The following PPFIA2 variants were observed in gnomAD, a reference collection of about 807,000 sequenced individuals.
PPFIA2 encodes the protein PPFI scaffold protein A2, also known as liprin-alpha-2.
Under a neutral mutation model 175.5 loss-of-function variants are expected in PPFIA2, and 46 were observed. The ratio of observed to expected loss-of-function variants is 0.26; its 90% confidence interval spans 0.21 to 0.34. The LOEUF is 0.34. Among genes scored for constraint, PPFIA2 ranks in the 10% least tolerant of loss-of-function variants. The pLI is 1.00. For synonymous variants in PPFIA2, 568 were observed against 511.4 expected (o/e 1.11, Z -1.49); for missense variants, 1,179 against 1,506.1 (o/e 0.78, Z 3.60).
intron 28 of PPFIA2, among the ~76,000 whole-genome samples, chr12:81,270,304 C>T (rs1184367685): frequency 7.2e-5 from 11 of 151,970 alleles, no homozygotes; most frequent in Admixed American, 7.2e-4. Flanking sequence ...CTTGTTTTGT[C>T]TTGCTTTTTT....
At chr12:81,713,622 C>T (rs1596691450) in intron 3 of PPFIA2, among the ~76,000 whole-genome samples, 2 of 151,156 alleles carry the variant, frequency 1.3e-5, no homozygotes, top group South Asian at 4.1e-4. Context: ...TACAGCAACC[C>T]CAATTCAATC....
intron 4 of PPFIA2, among the ~76,000 whole-genome samples, chr12:81,585,039 T>TAA (rs2075097541): frequency 1.9e-5 from 2 of 102,836 alleles, no homozygotes; most frequent in East Asian, 5.2e-4. Flanking sequence ...ATTATATTTA[T>TAA]ATATAATATA....
At chr12:81,285,506 A>G (rs1462681764) in intron 24 of PPFIA2, among the ~76,000 whole-genome samples, 1 of 152,116 alleles carries the variant, frequency 6.6e-6, no homozygotes, top group Non-Finnish European at 1.5e-5. Flanking sequence ...ATATATGTAT[A>G]TACATACATA....
intron 4 of PPFIA2, among the ~76,000 whole-genome samples, chr12:81,506,821 T>C (rs1168206967): frequency 2.6e-5 from 4 of 152,212 alleles, no homozygotes. Flanking sequence ...TCTGATGTTA[T>C]AGCACAAAAG....
intron 32 of PPFIA2, 138 bp from the exon 33 acceptor site, chr12:81,259,798 T>G: frequency 1.6e-6 from 1 of 626,998 alleles, no homozygotes; most frequent in Non-Finnish European, 2.6e-6. Context: ...TCATCTAGGA[T>G]GTAGCCAACA....
At position 81,661,326 on chromosome 12, in the gene PPFIA2, T is replaced by C. The variant is rs941695214; in HGVS notation, c.303+15465A>G. On this transcript the variant is annotated intron_variant, in intron 4 of 32. Transcript: ENST00000549396. ...CCCATCTCACGTGCAGAGACACACA[T>C]AGGCTCAAAATAAAGGGATGGAGGA... 2.2e-4 allele frequency among the ~76,000 whole-genome samples: 34 copies of C among 152,062 alleles called. 1 individual carries two copies. Among genetic ancestry groups the C allele is most frequent in the Non-Finnish European group, 2.2e-4 (15 of 68,014 alleles).
chr12:81,617,524 T>C (rs1055973330), intron 4 of PPFIA2, among the ~76,000 whole-genome samples: 4 of 152,314 alleles, frequency 2.6e-5, no homozygotes, highest in African/African-American at 9.6e-5. Context: ...TAGCCTATGA[T>C]ACCTGTAAAC....
intron 8 of PPFIA2, among the ~76,000 whole-genome samples, chr12:81,405,065 A>G (rs1266745987): frequency 6.6e-6 from 1 of 152,154 alleles, no homozygotes; most frequent in Non-Finnish European, 1.5e-5. Context: ...ACCTACCAAT[A>G]ACTTACCTTC....
At chr12:81,625,909 G>A in intron 4 of PPFIA2, among the ~76,000 whole-genome samples, 1 of 149,022 alleles carries the variant, frequency 6.7e-6, no homozygotes, top group Non-Finnish European at 1.5e-5. Flanking sequence ...TATAGCCTTT[G>A]GTGTTTGTCA....
chr12:81,261,846 G>T, intron 32 of PPFIA2, 103 bp downstream of exon 32: 2 of 703,080 alleles, frequency 2.8e-6, no homozygotes, highest in Non-Finnish European at 4.6e-6. Flanking sequence ...TCTCATTTCT[G>T]TACTGCTAGG....
chr12:81,630,601 A>G (rs557998579), intron 4 of PPFIA2, among the ~76,000 whole-genome samples: 6 of 152,220 alleles, frequency 3.9e-5, no homozygotes, highest in African/African-American at 1.4e-4. Flanking sequence ...TGGAAGCCTA[A>G]TAGTCTTGTC....
intron 22 of PPFIA2, chr12:81,302,687 G>C: frequency 2.2e-6 from 1 of 453,592 alleles, no homozygotes. Context: ...AACTCCAGAT[G>C]TGCTTTTCCT....
intron 4 of PPFIA2, among the ~76,000 whole-genome samples, chr12:81,558,815 C>A (rs923462302): frequency 6.6e-6 from 1 of 152,114 alleles, no homozygotes; most frequent in African/African-American, 2.4e-5. Context: ...GAAGCACACA[C>A]TATAATATAT....
chr12:81,583,014 C>A (rs1595247617), intron 4 of PPFIA2, among the ~76,000 whole-genome samples: 1 of 151,824 alleles, frequency 6.6e-6, no homozygotes, highest in Non-Finnish European at 1.5e-5. Flanking sequence ...TTCAACATTA[C>A]TCATTGAAAC....
intron 3 of PPFIA2, among the ~76,000 whole-genome samples, chr12:81,711,251 T>C (rs2077872355): frequency 6.6e-6 from 1 of 151,032 alleles, no homozygotes; most frequent in African/African-American, 2.4e-5. Context: ...AAAAAGAATA[T>C]GAAATATTCA....
chr12:81,351,294 A>G (rs2059957917), intron 17 of PPFIA2, among the ~76,000 whole-genome samples: 1 of 152,136 alleles, frequency 6.6e-6, no homozygotes, highest in African/African-American at 2.4e-5. Flanking sequence ...TTAGGCTATA[A>G]TATTAAATTA....
At chr12:81,289,540 A>C (rs1204867289) in intron 24 of PPFIA2, among the ~76,000 whole-genome samples, 4 of 151,884 alleles carry the variant, frequency 2.6e-5, no homozygotes, top group Non-Finnish European at 5.9e-5. Context: ...TGAATGAAAC[A>C]CACTATCAAT....
chr12:81,695,560 C>G (rs2075801101), intron 3 of PPFIA2, among the ~76,000 whole-genome samples: 1 of 152,062 alleles, frequency 6.6e-6, no homozygotes, highest in African/African-American at 2.4e-5. Flanking sequence ...AAACTGTGAG[C>G]CAATTAAACT....
At position 81,377,616 on chromosome 12, in the gene PPFIA2, T is replaced by C. The variant is rs1404558595; in HGVS notation, c.985-1674A>G. ...GAAACTCATCATGTTGTCCCTAGTCTCCTGCCCACCCACAAGTTAGCTCTC... is the reference window on the plus strand; with the variant it reads ...GAAACTCATCATGTTGTCCCTAGTCCCCTGCCCACCCACAAGTTAGCTCTC... On this transcript the variant is annotated intron_variant, in intron 9 of 32. Coordinates refer to ENST00000549396, the MANE Select transcript of PPFIA2 (RefSeq NM_003625.5). Among the ~76,000 whole-genome samples, 3 of 152,154 alleles carry C rather than the reference T, an allele frequency of 2.0e-5. 1 individual carries two copies. In the South Asian group the frequency reaches 6.2e-4, roughly 32 times the overall value.
Sources: gnomAD v4.1 joint callset for allele counts (sites outside exome capture counted in the v4.1 genomes callset) on GRCh38, gnomAD v4.1.1 for gene constraint, MANE v1.5 for transcripts, NCBI Gene and HGNC (gene_info 2026-07-23, HGNC 2026-07-21) for gene names.